Variants in ITGBL1 observed in about 807,000 individuals in gnomAD.
ITGBL1 encodes the protein integrin subunit beta like 1, also known as integrin beta-like protein 1.
In ITGBL1, 51 loss-of-function variants were observed where a neutral mutation model predicts 68.5. That is an observed-to-expected ratio of 0.74 (90% CI 0.59 to 0.94). The LOEUF is 0.94. ITGBL1 is among the 40% of genes least tolerant of loss of function. The pLI, the probability that ITGBL1 is intolerant of heterozygous loss-of-function variation, is 0.00. For missense variants in ITGBL1, 649 were observed against 647.4 expected (o/e 1.00, Z -0.03); for synonymous variants, 209 against 227.3 (o/e 0.92, Z 0.72).
chr13:101,602,497 G>T (rs550301174), intron 7 of ITGBL1, among the ~76,000 whole-genome samples: 1 of 152,030 alleles, frequency 6.6e-6, no homozygotes, highest in African/African-American at 2.4e-5. Flanking sequence ...TTCAAGAAAG[G>T]AAACAAAGAC....
chr13:101,683,707 AT>A (rs1362309640), intron 7 of ITGBL1, among the ~76,000 whole-genome samples: 2 of 151,968 alleles, frequency 1.3e-5, no homozygotes, highest in Non-Finnish European at 2.9e-5. Context: ...ACTTATCTGT[AT>A]TTCCAAACCA....
chr13:101,576,957 A>G (rs1332715798), intron 4 of ITGBL1, among the ~76,000 whole-genome samples: 1 of 143,326 alleles, frequency 7.0e-6, no homozygotes, highest in Non-Finnish European at 1.5e-5. Flanking sequence ...TAGATGGAAA[A>G]AAAAAAAAAG....
At chr13:101,658,804 G>T (rs2033002041) in intron 7 of ITGBL1, among the ~76,000 whole-genome samples, 1 of 151,994 alleles carries the variant, frequency 6.6e-6, no homozygotes, top group Non-Finnish European at 1.5e-5. Flanking sequence ...CCTGTTTCTG[G>T]GCTGGGGTTT....
chr13:101,717,897 T>G (rs2034786684), downstream of ITGBL1: 1 of 152,136 alleles, frequency 6.6e-6, no homozygotes, highest in Non-Finnish European at 1.5e-5. Context: ...TCCTTTTTAT[T>G]AACAACAACA....
chr13:101,676,326 A>G (rs1307562181), intron 7 of ITGBL1, among the ~76,000 whole-genome samples: 2 of 152,094 alleles, frequency 1.3e-5, no homozygotes, highest in Non-Finnish European at 2.9e-5. Flanking sequence ...TCTGGCAGAT[A>G]TATAGATATA....
intron 7 of ITGBL1, among the ~76,000 whole-genome samples, chr13:101,624,011 T>A (rs1212061787): frequency 6.6e-6 from 1 of 152,142 alleles, no homozygotes; most frequent in African/African-American, 2.4e-5. Context: ...ATGTATACAA[T>A]CTCTTATATT....
At chr13:101,540,126 C>A (rs2049665395) in intron 2 of ITGBL1, among the ~76,000 whole-genome samples, 1 of 152,040 alleles carries the variant, frequency 6.6e-6, no homozygotes, top group Non-Finnish European at 1.5e-5. Context: ...AAGTCCTTGC[C>A]CATGCCTATG....
At chr13:101,676,828 CATTAA>C in intron 7 of ITGBL1, among the ~76,000 whole-genome samples, 1 of 151,948 alleles carries the variant, frequency 6.6e-6, no homozygotes, top group East Asian at 1.9e-4. Context: ...TTTAAATTAC[CATTAA>C]ATTAAATAAG....
intron 8 of ITGBL1, among the ~76,000 whole-genome samples, chr13:101,702,139 T>G (rs889525608): frequency 1.3e-5 from 2 of 152,204 alleles, no homozygotes; most frequent in Non-Finnish European, 2.9e-5. Flanking sequence ...ATCAGATTCT[T>G]GGACAAATCA....
chr13:101,501,556 C>T (rs552004249), intron 2 of ITGBL1, among the ~76,000 whole-genome samples: 8 of 152,126 alleles, frequency 5.3e-5, no homozygotes, highest in South Asian at 4.2e-4. Flanking sequence ...AATACAATGT[C>T]GTAAAAAAGA....
At chr13:101,526,294 A>G (rs2139147235) in intron 2 of ITGBL1, among the ~76,000 whole-genome samples, 1 of 151,728 alleles carries the variant, frequency 6.6e-6, no homozygotes, top group East Asian at 1.9e-4. Flanking sequence ...TTCTAATGCT[A>G]TCCCTTCCCT....
At chr13:101,685,579 C>T (rs536000578) in intron 7 of ITGBL1, among the ~76,000 whole-genome samples, 31 of 152,082 alleles carry the variant, frequency 2.0e-4, no homozygotes, top group Non-Finnish European at 3.5e-4. Context: ...ACTTAGATCA[C>T]TCCCTGTTAA....
intron 2 of ITGBL1, among the ~76,000 whole-genome samples, chr13:101,534,545 T>G (rs1328105373): frequency 6.6e-6 from 1 of 152,066 alleles, no homozygotes; most frequent in Non-Finnish European, 1.5e-5. Context: ...GGAAAGACCC[T>G]GGAAAGGGTC....
intron 2 of ITGBL1, among the ~76,000 whole-genome samples, chr13:101,465,925 G>A (rs2048376459): frequency 6.6e-6 from 1 of 152,184 alleles, no homozygotes; most frequent in African/African-American, 2.4e-5. Flanking sequence ...AGCGGTAACT[G>A]TAGAGCGTAG....
chr13:101,491,546 C>T (rs1171721338), intron 2 of ITGBL1, among the ~76,000 whole-genome samples: 8 of 152,206 alleles, frequency 5.3e-5, no homozygotes, highest in Admixed American at 4.6e-4. Context: ...TTATGCCACA[C>T]ATTCTTCTGA....
intron 7 of ITGBL1, among the ~76,000 whole-genome samples, chr13:101,672,683 T>C (rs772445483): frequency 1.5e-4 from 23 of 152,346 alleles, no homozygotes; most frequent in Middle Eastern, 3.4e-3. Context: ...TCCAGTGCAC[T>C]CTGCCACCAG....
At chr13:101,541,188 G>A (rs1594877216) in intron 2 of ITGBL1, among the ~76,000 whole-genome samples, 2 of 149,916 alleles carry the variant, frequency 1.3e-5, no homozygotes, top group South Asian at 2.2e-4. Context: ...TTGGCTGTGG[G>A]TTTGTCATAG....
intron 2 of ITGBL1, among the ~76,000 whole-genome samples, chr13:101,505,979 T>C (rs1372587858): frequency 6.6e-6 from 1 of 152,216 alleles, no homozygotes; most frequent in Non-Finnish European, 1.5e-5. Context: ...TTTGGCTGCA[T>C]GTCGGCCCTG....
intron 7 of ITGBL1, among the ~76,000 whole-genome samples, chr13:101,601,937 G>A (rs1442132776): frequency 6.6e-6 from 1 of 152,026 alleles, no homozygotes; most frequent in African/African-American, 2.4e-5. Flanking sequence ...CCCTGAATGA[G>A]GGGCTATTAG....
Sources: gnomAD v4.1 joint callset for allele counts (sites outside exome capture counted in the v4.1 genomes callset) on GRCh38, gnomAD v4.1.1 for gene constraint, MANE v1.5 for transcripts, NCBI Gene and HGNC (gene_info 2026-07-23, HGNC 2026-07-21) for gene names.